Variants in VCAN observed in about 807,000 individuals in gnomAD.
VCAN encodes the protein versican core protein.
A neutral mutation model predicts 245.5 loss-of-function variants in VCAN; 44 were observed. The observed-to-expected ratio is 0.18, with a 90% CI of 0.14 to 0.23. The LOEUF is 0.23. Ranked by LOEUF, VCAN falls within the 10% of genes least tolerant of loss-of-function variation. The pLI is 1.00. For synonymous variants in VCAN, 1,413 were observed against 1,437.0 expected, an observed-to-expected ratio of 0.98 and a Z score of 0.38; for missense variants, 3,793 against 4,057.9, an observed-to-expected ratio of 0.93 and a Z score of 1.77.
intron 5 of VCAN, among the ~76,000 whole-genome samples, chr5:83,501,802 T>C (rs961600829): frequency 6.6e-6 from 1 of 152,192 alleles, no homozygotes; most frequent in South Asian, 2.1e-4. Context: ...AATTTTAAAA[T>C]TGGCTTGTCA....
intron 12 of VCAN, among the ~76,000 whole-genome samples, chr5:83,563,676 C>T (rs760487243): frequency 3.3e-5 from 5 of 152,180 alleles, no homozygotes; most frequent in South Asian, 2.1e-4. Context: ...GTATCCAGTG[C>T]GTTTGGATTG....
chr5:83,573,398 C>T (rs1013540346), intron 13 of VCAN, among the ~76,000 whole-genome samples: 7 of 151,956 alleles, frequency 4.6e-5, no homozygotes, highest in African/African-American at 1.7e-4. Flanking sequence ...GTTGGGGCTG[C>T]AATCTCCATT....
At chr5:83,551,533 A>G (rs1747470917) in intron 10 of VCAN, among the ~76,000 whole-genome samples, 1 of 152,134 alleles carries the variant, frequency 6.6e-6, no homozygotes, top group Non-Finnish European at 1.5e-5. Flanking sequence ...AAAATAAAAA[A>G]GACAAAAAAG....
rs1260160143 is a variant in VCAN at position 83,580,490 on chromosome 5, G to T, written c.*56G>T. 1.2e-6 allele frequency: 2 copies of T among 1,608,682 alleles called. No homozygotes were observed. The highest frequency in any genetic ancestry group is 1.7e-6 in the Non-Finnish European group (2 of 1,177,332). ...ATTTCAGCCAAAGTCCTAACTTCCTGTGCCTTTCCTATCACCTCGAGAAGT... is the reference window on the plus strand; with the variant it reads ...ATTTCAGCCAAAGTCCTAACTTCCTTTGCCTTTCCTATCACCTCGAGAAGT... On this transcript the variant is annotated 3_prime_UTR_variant, in exon 15 of 15. Coordinates refer to ENST00000265077, the MANE Select transcript of VCAN (RefSeq NM_004385.5).
At chr5:83,551,684 G>C (rs1054494521) in intron 10 of VCAN, among the ~76,000 whole-genome samples, 1 of 152,104 alleles carries the variant, frequency 6.6e-6, no homozygotes, top group Non-Finnish European at 1.5e-5. Context: ...CATGGTTAAG[G>C]AAAGTTATGC....
At chr5:83,534,798 G>C (rs2112435015) in intron 7 of VCAN, among the ~76,000 whole-genome samples, 1 of 152,092 alleles carries the variant, frequency 6.6e-6, no homozygotes, top group Non-Finnish European at 1.5e-5. Flanking sequence ...AGATTCTTTT[G>C]TACAGAAGGC....
At chr5:83,495,622 A>G (rs1461448965) in intron 5 of VCAN, among the ~76,000 whole-genome samples, 2 of 152,194 alleles carry the variant, frequency 1.3e-5, no homozygotes, top group Admixed American at 6.5e-5. Context: ...GATTATTGCT[A>G]TTTTGGTAAG....
At chr5:83,547,183 A>G (rs1747259764) in intron 9 of VCAN, among the ~76,000 whole-genome samples, 1 of 152,184 alleles carries the variant, frequency 6.6e-6, no homozygotes, top group Non-Finnish European at 1.5e-5. Flanking sequence ...GAAAGCCCTG[A>G]CAGTCTAAGA....
At position 83,520,769 on chromosome 5, in the gene VCAN, A is replaced by G. The variant is rs768354523; in HGVS notation, c.2463A>G (p.Ser821=). The G allele has an allele frequency of 4.3e-6, 7 of 1,614,042 alleles. No homozygotes were observed. The Admixed American group carries it at 8.3e-5, about 19-fold the overall frequency. The change falls in exon 7 of 15, where the codon TCA becomes TCG. Residue 821 remains serine, a synonymous_variant. Transcript: ENST00000265077. ...TSKPLESTEP[S]ASSKLPPALL... ...AGCCTTTAGAGTCTACAGAACCTTC[A>G]GCCTCTTCAAAATTGCCCCCTGCCT...
intron 7 of VCAN, chr5:83,536,699 C>T (rs948972290): frequency 2.0e-5 from 4 of 196,916 alleles, no homozygotes; most frequent in Non-Finnish European, 4.1e-5. Flanking sequence ...TGAATTCCTG[C>T]ACTTCAAGAT....
At chr5:83,576,078 G>A (rs1185470238) in intron 13 of VCAN, among the ~76,000 whole-genome samples, 1 of 151,852 alleles carries the variant, frequency 6.6e-6, no homozygotes, top group Non-Finnish European at 1.5e-5. Context: ...TACTTGTAAC[G>A]ATTTATAATA....
At chr5:83,546,227 A>C (rs1747212735) in intron 9 of VCAN, among the ~76,000 whole-genome samples, 1 of 147,656 alleles carries the variant, frequency 6.8e-6, no homozygotes, top group African/African-American at 2.7e-5. Flanking sequence ...TTATTTAGGC[A>C]TCCTTCTCTT....
At chr5:83,573,883 T>G (rs1180473773) in intron 13 of VCAN, among the ~76,000 whole-genome samples, 3 of 152,216 alleles carry the variant, frequency 2.0e-5, no homozygotes, top group African/African-American at 7.2e-5. Flanking sequence ...CTCAAAGAGC[T>G]GAGATCTTGA....
In VCAN at chr5:83,540,483, G is replaced by C. The variant is rs147255921; in HGVS notation, c.7480G>C (p.Glu2494Gln). ...TTCAGTGATGCTGCCTCTTCATTCAGAGCAGAACAAAAGCTCCCCTGATCC... is the reference window on the plus strand; with the variant it reads ...TTCAGTGATGCTGCCTCTTCATTCACAGCAGAACAAAAGCTCCCCTGATCC... ...TVSVMLPLHS[E>Q]QNKSSPDPTS... Residue 2494 changes from glutamate to glutamine, a missense_variant, in exon 8 of 15, where the codon GAG becomes CAG. By Grantham distance (29) the Glu-to-Gln change is conservative. Transcript: ENST00000265077. The C allele has an allele frequency of 5.9e-5, 95 of 1,613,802 alleles. No individual in the cohort carries two copies. In the African/African-American group the frequency reaches 1.2e-3, roughly 21 times the overall value.
intron 6 of VCAN, chr5:83,512,603 A>T (rs968960176): frequency 3.3e-6 from 2 of 615,314 alleles, no homozygotes; most frequent in Non-Finnish European, 5.5e-6. Flanking sequence ...GGATTTTTAG[A>T]GGGGTGAGGA....
chr5:83,516,771 T>A (rs890129190), intron 6 of VCAN, among the ~76,000 whole-genome samples: 3 of 152,272 alleles, frequency 2.0e-5, no homozygotes, highest in African/African-American at 7.2e-5. Flanking sequence ...TTTACAATAG[T>A]CATCAGAATA....
intron 5 of VCAN, among the ~76,000 whole-genome samples, chr5:83,511,577 T>A (rs1222199350): frequency 6.6e-6 from 1 of 151,882 alleles, no homozygotes; most frequent in East Asian, 1.9e-4. Context: ...CTTATTTTTT[T>A]TTTTTTTTAT....
rs199827515 is a variant in VCAN at position 83,512,363 on chromosome 5, C to T, written c.1009C>T (p.Pro337Ser). Reference sequence around the variant, plus strand: ...TGAGAACCAGACAGGCTTCCCTCCCCCTGATAGCAGATTTGATGCCTACTG... The same window carrying T: ...TGAGAACCAGACAGGCTTCCCTCCCTCTGATAGCAGATTTGATGCCTACTG... ...RFENQTGFPP[P>S]DSRFDAYCFK... Residue 337 changes from proline (P) to serine (S), a missense_variant, in exon 6 of 15, where the codon CCT (proline) becomes TCT (serine). Transcript: ENST00000265077. 2.5e-6 allele frequency: 4 copies of T among 1,611,578 alleles called. No homozygotes were observed. Among genetic ancestry groups the T allele is most frequent in the East Asian group, 4.5e-5 (2 of 44,812 alleles).
chr5:83,504,531 A>G (rs1318799742), intron 5 of VCAN, among the ~76,000 whole-genome samples: 4 of 152,042 alleles, frequency 2.6e-5, no homozygotes, highest in South Asian at 2.1e-4. Flanking sequence ...ACAGGCATGC[A>G]CCACCATGCC....
Sources: gnomAD v4.1 joint callset for allele counts (sites outside exome capture counted in the v4.1 genomes callset) on GRCh38, gnomAD v4.1.1 for gene constraint, MANE v1.5 for transcripts, NCBI Gene and HGNC (gene_info 2026-07-23, HGNC 2026-07-21) for gene names.